The following MPHOSPH10 variants were observed in gnomAD, a reference collection of about 807,000 sequenced individuals.
MPHOSPH10 encodes M-phase phosphoprotein 10.
Under a neutral mutation model 77.3 loss-of-function variants are expected in MPHOSPH10, and 33 were observed. That is an observed-to-expected ratio of 0.43 (90% CI 0.32 to 0.57). The LOEUF (loss-of-function observed/expected upper bound fraction) is 0.57. MPHOSPH10 is among the 20% of genes least tolerant of loss of function. The pLI is 0.07. For synonymous variants in MPHOSPH10, 245 were observed against 268.0 expected (o/e 0.91, Z 0.84); for missense variants, 708 against 780.1 (o/e 0.91, Z 1.10).
In MPHOSPH10 at chr2:71,144,496, A is replaced by T; in HGVS notation, c.1515A>T (p.Leu505Phe). The T allele has an allele frequency of 6.2e-7, 1 of 1,614,208 alleles. No homozygotes were observed. The highest frequency in any genetic ancestry group is 8.5e-7 in the Non-Finnish European group (1 of 1,180,018). ...AGAAGATGATGGATTCCCTCTTCTT[A>T]AAATTGGATGCCCTCTCAAACTTCC... ...EIQKMMDSLF[L>F]KLDALSNFHF... The change falls in exon 8 of 11, where the codon TTA (leucine) becomes TTT (phenylalanine). Residue 505 changes from leucine to phenylalanine, a missense_variant. Leu to Phe is a conservative substitution (Grantham distance 22). Around this residue, in one of 3 missense-constraint regions of MPHOSPH10, gnomAD observed 263 missense variants for 320.0 expected, o/e 0.82. Coordinates refer to ENST00000244230, the MANE Select transcript of MPHOSPH10 (RefSeq NM_005791.3).
rs201345050 is a variant in MPHOSPH10 at position 71,141,278 on chromosome 2, A to G, written c.1355A>G (p.Tyr452Cys). ...VRKEKPKEDA[Y>C]EYKKRLTLDH... ...AAAGAAAAACCTAAAGAGGATGCATATGAATATAAAAAGCGTTTAACCTTA... is the reference window on the plus strand; with the variant it reads ...AAAGAAAAACCTAAAGAGGATGCATGTGAATATAAAAAGCGTTTAACCTTA... Residue 452 changes from tyrosine (Y) to cysteine (C), a missense_variant, in exon 7 of 11, where the codon TAT becomes TGT. This residue lies in a region of MPHOSPH10 where 263 missense variants were observed against 320.0 expected (regional missense o/e 0.82). Transcript: ENST00000244230. 5.1e-6 allele frequency: 8 copies of G among 1,563,954 alleles called. No homozygotes were observed. Among genetic ancestry groups the G allele is most frequent in the African/African-American group, 4.1e-5 (3 of 72,658 alleles).
At position 71,137,645 on chromosome 2, in the gene MPHOSPH10, C is replaced by A. The variant is rs1380201371; in HGVS notation, c.1099-845C>A. ...CTGCTCTCCAGCCTAGGCAACTGAG[C>A]GAGACTGTCTCAAAAAAAAAAAAAA... On this transcript the variant is annotated intron_variant, in intron 4 of 10. Coordinates refer to ENST00000244230, the MANE Select transcript of MPHOSPH10 (RefSeq NM_005791.3). Among the ~76,000 whole-genome samples the A allele has an allele frequency of 2.5e-5, 3 of 119,948 alleles. 1 individual carries two copies. The East Asian group carries it at 7.8e-4, about 31-fold the overall frequency. The allele number at this position is 119,948 out of a possible 152,430, so 78.7% of individuals were successfully genotyped here. A position where few individuals can be genotyped will look rare whatever the true frequency, so the allele number is the denominator to read the frequency against.
At position 71,133,271 on chromosome 2, in the gene MPHOSPH10, T is replaced by A; in HGVS notation, c.463T>A (p.Ser155Thr). 1 of 1,614,114 alleles carries A rather than the reference T, an allele frequency of 6.2e-7. No homozygotes were observed. Among genetic ancestry groups the A allele is most frequent in the Non-Finnish European group, 8.5e-7 (1 of 1,180,014 alleles). Residue 155 changes from serine (S) to threonine (T), a missense_variant, in exon 2 of 11, where the codon TCA becomes ACA. By Grantham distance (58) the Ser-to-Thr change is moderately conservative. Around this residue, in one of 3 missense-constraint regions of MPHOSPH10, gnomAD observed 433 missense variants for 432.6 expected, o/e 1.00. Transcript: ENST00000244230. ...TGAAATGGGTGAGAGAGCTGAAAAC[T>A]CAAGCAAATCTGATCTGAGGAAAAG... ...DPEMGERAEN[S>T]SKSDLRKSPV...
At chr2:71,148,959 A>G (rs1673766813) in intron 9 of MPHOSPH10, 4 of 466,512 alleles carry the variant, frequency 8.6e-6, no homozygotes, top group South Asian at 5.3e-5. Flanking sequence ...TGAGAACCCA[A>G]CTCTCCATGT....
At chr2:71,138,071 A>C (rs1360915129) in intron 4 of MPHOSPH10, among the ~76,000 whole-genome samples, 1 of 152,242 alleles carries the variant, frequency 6.6e-6, no homozygotes, top group Non-Finnish European at 1.5e-5. Context: ...TAGGCGACAG[A>C]GCGAGACTCT....
At position 71,130,645 on chromosome 2, in the gene MPHOSPH10, T is replaced by C; in HGVS notation, c.-21T>C. On this transcript the variant is annotated 5_prime_UTR_variant, in exon 1 of 11. Coordinates refer to ENST00000244230, the MANE Select transcript of MPHOSPH10 (RefSeq NM_005791.3). ...CTCCCTTCCCTTGCATGCTGCATTG[T>C]GTCGGGAGTTGCTGACAGCCATGGC... The C allele has an allele frequency of 6.2e-7, 1 of 1,601,136 alleles. No individual in the cohort carries two copies. Among genetic ancestry groups the C allele is most frequent in the South Asian group, 1.1e-5 (1 of 89,528 alleles).
intron 8 of MPHOSPH10, among the ~76,000 whole-genome samples, chr2:71,146,079 T>C (rs1673700932): frequency 1.3e-5 from 2 of 152,216 alleles, no homozygotes; most frequent in Admixed American, 6.5e-5. Flanking sequence ...CATCTACTGT[T>C]CCACTCTGTT....
chr2:71,144,634 C>A, intron 8 of MPHOSPH10, 96 bp downstream of exon 8: 1 of 946,938 alleles, frequency 1.1e-6, no homozygotes, highest in Non-Finnish European at 1.6e-6. Flanking sequence ...TTTCAGGATA[C>A]AAACTTGTAG....
Position 71,134,727 on chromosome 2 carries a change from A to G in MPHOSPH10, c.1028A>G (p.Asp343Gly). ...TTACCAGATGATGCGGAAACTGAAG[A>G]TACAGGTGTTTTAAATGTAAAGAAA... ...FALPDDAETE[D>G]TGVLNVKKNS... Residue 343 changes from aspartate (D) to glycine (G), a missense_variant, in exon 4 of 11, where the codon GAT becomes GGT. Physicochemically the swap from Asp to Gly is moderately conservative, Grantham distance 94 (BLOSUM62 -1). Transcript: ENST00000244230. 1 of 1,611,264 alleles carries G rather than the reference A, an allele frequency of 6.2e-7. No homozygotes were observed. The highest frequency in any genetic ancestry group is 8.5e-7 in the Non-Finnish European group (1 of 1,178,556).
At chr2:71,142,311 C>G (rs1401209494) in intron 7 of MPHOSPH10, among the ~76,000 whole-genome samples, 1 of 152,190 alleles carries the variant, frequency 6.6e-6, no homozygotes, top group Non-Finnish European at 1.5e-5. Context: ...TAAAATTCTT[C>G]CTGGCTGCCT....
At chr2:71,135,335 C>T (rs1382490698) in intron 4 of MPHOSPH10, among the ~76,000 whole-genome samples, 1 of 151,084 alleles carries the variant, frequency 6.6e-6, no homozygotes. Flanking sequence ...CACTTCAGGT[C>T]AGGAGTTCGA....
In MPHOSPH10 at chr2:71,147,581, G is replaced by T. The variant is rs540516803; in HGVS notation, c.1558-418G>T. Among the ~76,000 whole-genome samples the T allele has an allele frequency of 5.6e-4, 86 of 152,238 alleles. 1 individual carries two copies. The South Asian group carries it at 0.012, about 21-fold the overall frequency. ...CCAGCTACTCGGGAGGCTGAGGCAG[G>T]AGAATGGCATGAACCCTTAAGAGGG... On this transcript the variant is annotated intron_variant, in intron 8 of 10. Coordinates refer to ENST00000244230, the MANE Select transcript of MPHOSPH10 (RefSeq NM_005791.3).
In MPHOSPH10 at chr2:71,148,029, C is replaced by T. The variant is rs775851647; in HGVS notation, c.1588C>T (p.Leu530=). ...ACCAGAGATTAAAGTTGTGTCAAAT[C>T]TGCCAGCCATAACCATGGAGGAAGT... is the stretch of plus-strand genomic sequence containing the variant. ...PVPEIKVVSN[L]PAITMEEVAP... Residue 530 remains leucine (L), a synonymous_variant, in exon 9 of 11, where the codon CTG becomes TTG. Transcript: ENST00000244230. 2 of 1,613,978 alleles carry T rather than the reference C, an allele frequency of 1.2e-6. No homozygotes were observed. The highest frequency in any genetic ancestry group is 1.7e-6 in the Non-Finnish European group (2 of 1,179,978).
intron 7 of MPHOSPH10, among the ~76,000 whole-genome samples, chr2:71,143,110 T>G (rs1218497132): frequency 1.3e-5 from 2 of 152,106 alleles, no homozygotes; most frequent in African/African-American, 4.8e-5. Context: ...TGGATAATTT[T>G]ATGAAGTCTA....
At chr2:71,132,743 A>C (rs1211434803) in intron 1 of MPHOSPH10, among the ~76,000 whole-genome samples, 155 bp from the exon 2 acceptor site, 2 of 152,224 alleles carry the variant, frequency 1.3e-5, no homozygotes, top group Non-Finnish European at 2.9e-5. Flanking sequence ...ATATCAGTGT[A>C]GCTCATCAGC....
chr2:71,146,642 G>T (rs1389891317), intron 8 of MPHOSPH10, among the ~76,000 whole-genome samples: 1 of 152,012 alleles, frequency 6.6e-6, no homozygotes, highest in Admixed American at 6.6e-5. Context: ...CCAGCATTTT[G>T]TGGCTTTTTG....
Position 71,133,005 on chromosome 2 carries a change from T to G in MPHOSPH10, c.197T>G (p.Leu66Arg). The change falls in exon 2 of 11, where the codon CTT becomes CGT. Residue 66 changes from leucine to arginine, a missense_variant. This residue lies in a region of MPHOSPH10 where 433 missense variants were observed against 432.6 expected (regional missense o/e 1.00). Transcript: ENST00000244230. Reference protein sequence around the residue: ...GRIHGSPLQKLVIENFDDEQI... With the variant: ...GRIHGSPLQKRVIENFDDEQI... ...ATCCATGGAAGCCCCTTGCAAAAAC[T>G]TGTGATAGAAAATTTTGATGATGAG... 1 of 1,614,104 alleles carries G rather than the reference T, an allele frequency of 6.2e-7. No homozygotes were observed. The highest frequency in any genetic ancestry group is 8.5e-7 in the Non-Finnish European group (1 of 1,180,008).
At chr2:71,136,916 ACACAC>A (rs1673504849) in intron 4 of MPHOSPH10, among the ~76,000 whole-genome samples, 2 of 16,216 alleles carry the variant, frequency 1.2e-4, no homozygotes, top group African/African-American at 3.7e-4. Context: ...GCATTAAAAC[ACACAC>A]ACACACACAC....
chr2:71,147,630 G>A (rs916614772), intron 8 of MPHOSPH10, among the ~76,000 whole-genome samples: 14 of 151,882 alleles, frequency 9.2e-5, no homozygotes, highest in Admixed American at 5.2e-4. Flanking sequence ...CCGAGATAGC[G>A]CCAGTGCACT....
Sources: gnomAD v4.1 joint callset for allele counts (sites outside exome capture counted in the v4.1 genomes callset) on GRCh38, gnomAD v4.1.1 for gene constraint, gnomAD v4.1.1 regional missense constraint, MANE v1.5 for transcripts, NCBI Gene and HGNC (gene_info 2026-07-23, HGNC 2026-07-21) for gene names.